VCP: variants seen among roughly 807,000 people sequenced by gnomAD.
The protein encoded by VCP is transitional endoplasmic reticulum ATPase.
Under a neutral mutation model 85.7 loss-of-function variants are expected in VCP, and 6 were observed. The observed-to-expected ratio is 0.07, with a 90% CI of 0.04 to 0.14. The LOEUF (loss-of-function observed/expected upper bound fraction) is 0.14. Ranked by LOEUF, VCP falls within the 10% of genes least tolerant of loss-of-function variation. The pLI is 1.00. For synonymous variants in VCP, 384 were observed against 367.1 expected (o/e 1.05, Z -0.53); for missense variants, 353 against 1,043.4 (o/e 0.34, Z 9.12).
intron 2 of VCP, 46 bp from the exon 3 acceptor site, chr9:35,068,109 A>C (rs1414904945): frequency 2.5e-6 from 4 of 1,613,220 alleles, no homozygotes; most frequent in Non-Finnish European, 2.5e-6. Context: ...GCTGACGGGG[A>C]GTAAGCAGCA....
At position 35,059,264 on chromosome 9, in the gene VCP, C is replaced by G; in HGVS notation, c.2005-45G>C. The G allele has an allele frequency of 6.2e-7, 1 of 1,612,212 alleles. No individual in the cohort carries two copies. Among genetic ancestry groups the G allele is most frequent in the Non-Finnish European group, 8.5e-7 (1 of 1,179,204 alleles). Reference sequence around the variant, plus strand: ...TACCTTAGCATTTAGCCTCTCCTCTCGAGATACGCAGATCTTTGGGCTACC... The same window carrying G: ...TACCTTAGCATTTAGCCTCTCCTCTGGAGATACGCAGATCTTTGGGCTACC... On this transcript the variant is annotated intron_variant, in intron 14 of 16. Coordinates refer to ENST00000358901, the MANE Select transcript of VCP (RefSeq NM_007126.5). The surrounding 1 kb of genome is among the most constrained non-coding windows in gnomAD (Gnocchi z 4.9).
chr9:35,066,633 T>A (rs1460066779), intron 4 of VCP, 42 bp downstream of exon 4: 3 of 1,610,784 alleles, frequency 1.9e-6, no homozygotes, highest in African/African-American at 2.7e-5. Context: ...CAAGGTTTAT[T>A]CCCTACAGTC....
At chr9:35,066,394 T>A (rs1236945773) in intron 4 of VCP, among the ~76,000 whole-genome samples, 1 of 150,756 alleles carries the variant, frequency 6.6e-6, no homozygotes, top group Non-Finnish European at 1.5e-5. Flanking sequence ...CCCAGGTAGC[T>A]GGGATTACAG....
chr9:35,065,430 C>A (rs1384315469), intron 4 of VCP, 49 bp from the exon 5 acceptor site: 2 of 1,612,588 alleles, frequency 1.2e-6, no homozygotes, highest in African/African-American at 1.3e-5. Context: ...AACTACAAGA[C>A]AAAGTGAGAA....
chr9:35,069,214 A>G (rs543176596), intron 1 of VCP, among the ~76,000 whole-genome samples: 4 of 152,344 alleles, frequency 2.6e-5, no homozygotes, highest in African/African-American at 7.2e-5. Context: ...GGAACTTCAC[A>G]GTAATATCTG....
Position 35,068,379 on chromosome 9 carries a change from G to C in VCP, c.18-17C>G. On this transcript the variant is annotated splice_polypyrimidine_tract_variant and intron_variant, in intron 1 of 16. Transcript: ENST00000358901. ...CCTTTTGAACTAGAAGGAGGAAATG[G>C]AGTCAGTAGATACTCCTGCCCCAAG... 1 of 1,608,252 alleles carries C rather than the reference G, an allele frequency of 6.2e-7. No homozygotes were observed. Among genetic ancestry groups the C allele is most frequent in the South Asian group, 1.1e-5 (1 of 90,964 alleles).
intron 5 of VCP, 133 bp from the exon 6 acceptor site, chr9:35,064,418 G>T: frequency 1.7e-6 from 2 of 1,197,644 alleles, no homozygotes; most frequent in Non-Finnish European, 2.4e-6. Flanking sequence ...CGGCATGGTG[G>T]CTCACATCTG....
In VCP at chr9:35,056,732, T is replaced by C. The variant is rs1050569392; in HGVS notation, c.*385A>G. On this transcript the variant is annotated 3_prime_UTR_variant, in exon 17 of 17. Coordinates refer to ENST00000358901, the MANE Select transcript of VCP (RefSeq NM_007126.5). ...CCCCTACCCACCTACCCAGGTTGGA[T>C]AGGGGGAAGGGAGGGCTCGGGCAGC... 1.7e-5 allele frequency: 5 copies of C among 296,240 alleles called. No individual in the cohort carries two copies. The highest frequency in any genetic ancestry group is 2.7e-5 in the Non-Finnish European group (4 of 150,096). The allele number at this position is 296,240 out of a possible 1,614,324, so 18.4% of individuals were successfully genotyped here. A position where few individuals can be genotyped will look rare whatever the true frequency, so the allele number is the denominator to read the frequency against.
At position 35,059,565 on chromosome 9, in the gene VCP, G is replaced by A; in HGVS notation, c.1932C>T (p.Tyr644=). The stretch of plus-strand genomic sequence containing the variant: ...GGGACTTCTCATCAGGAAGTGGGAT[G>A]TAGATGAGCTGATCAAGACGGCCAG... The part of the protein sequence containing the change: ...LRPGRLDQLI[Y]IPLPDEKSRV... The change falls in exon 14 of 17, where the codon TAC becomes TAT. Residue 644 remains tyrosine (Y), a synonymous_variant. Coordinates refer to ENST00000358901, the MANE Select transcript of VCP (RefSeq NM_007126.5). This position sits in a 1 kb window ranked among gnomAD's most constrained non-coding sequence, Gnocchi z 4.9. 1 of 1,614,226 alleles carries A rather than the reference G, an allele frequency of 6.2e-7. No individual in the cohort carries two copies.
At chr9:35,069,394 C>T (rs978715127) in intron 1 of VCP, among the ~76,000 whole-genome samples, 7 of 151,602 alleles carry the variant, frequency 4.6e-5, no homozygotes, top group South Asian at 2.1e-4. Flanking sequence ...CAACTTATTA[C>T]CTAGCCCGTT....
chr9:35,060,127 T>C (rs1223983839), intron 13 of VCP, among the ~76,000 whole-genome samples, 186 bp downstream of exon 13: 1 of 127,102 alleles, frequency 7.9e-6, no homozygotes, highest in Admixed American at 8.4e-5. Context: ...CCAGACCCTG[T>C]CTCAAGAGAG....
chr9:35,061,949 GGA>G, intron 9 of VCP, 52 bp downstream of exon 9: 2 of 1,613,682 alleles, frequency 1.2e-6, no homozygotes, highest in Non-Finnish European at 1.7e-6. Flanking sequence ...CTTAGATGAA[GGA>G]GAGAAGTAGG....
chr9:35,062,687 C>T (rs918563729), intron 7 of VCP, among the ~76,000 whole-genome samples: 4 of 152,128 alleles, frequency 2.6e-5, no homozygotes, highest in Non-Finnish European at 4.4e-5. Context: ...AGTTCATTTG[C>T]CCCAAACCCT....
At chr9:35,061,711 T>TACAC in intron 9 of VCP, 22 bp from the exon 10 acceptor site, 10 of 465,724 alleles carry the variant, frequency 2.1e-5, no homozygotes, top group Non-Finnish European at 3.7e-5. Context: ...TACACAAACA[T>TACAC]AAACAGGGCT....
At position 35,057,024 on chromosome 9, in the gene VCP, G is replaced by A; in HGVS notation, c.*93C>T. On this transcript the variant is annotated 3_prime_UTR_variant, in exon 17 of 17. Coordinates refer to ENST00000358901, the MANE Select transcript of VCP (RefSeq NM_007126.5). ...AGACTGGAGAATGGAGCAGGCTGTG[G>A]GCGCACCCCTGGTCCCTCTCCTGGG... 1.6e-6 allele frequency: 2 copies of A among 1,254,840 alleles called. No homozygotes were observed. Among genetic ancestry groups the A allele is most frequent in the Non-Finnish European group, 2.3e-6 (2 of 860,770 alleles). The allele number at this position is 1,254,840 out of a possible 1,614,324, so 77.7% of individuals were successfully genotyped here. A position where few individuals can be genotyped will look rare whatever the true frequency, so the allele number is the denominator to read the frequency against.
chr9:35,064,054 AATGAAAGCCATGC>A, intron 6 of VCP, 87 bp downstream of exon 6: 1 of 1,583,272 alleles, frequency 6.3e-7, no homozygotes, highest in Admixed American at 1.7e-5. Context: ...CCAAGGCAAT[AATGAAAGCCATGC>A]ATGAAAACAG....
rs1828723406 is a variant in VCP at position 35,061,665 on chromosome 9, A to G, written c.1106T>C (p.Ile369Thr). ...RFGRFDREVDIGIPDATGRLE... is the reference protein window; with the variant it reads ...RFGRFDREVDTGIPDATGRLE... ...GCGTCCTGTAGCATCAGGAATTCCAATATCTACCTCCCTGTCAAAGCGACC... is the reference window on the plus strand; with the variant it reads ...GCGTCCTGTAGCATCAGGAATTCCAGTATCTACCTCCCTGTCAAAGCGACC... Residue 369 changes from isoleucine (I) to threonine (T), a missense_variant, in exon 10 of 17, where the codon ATT becomes ACT. Coordinates refer to ENST00000358901, the MANE Select transcript of VCP (RefSeq NM_007126.5). 1 of 1,614,022 alleles carries G rather than the reference A, an allele frequency of 6.2e-7. No individual in the cohort carries two copies. The highest frequency in any genetic ancestry group is 8.5e-7 in the Non-Finnish European group (1 of 1,180,006).
intron 1 of VCP, 114 bp downstream of exon 1, chr9:35,072,223 T>G: frequency 6.9e-7 from 1 of 1,457,048 alleles, no homozygotes; most frequent in Non-Finnish European, 9.1e-7. Flanking sequence ...CCCTTCCCTC[T>G]TTCCTGGTCT....
In VCP at chr9:35,057,057, C is replaced by A. The variant is rs982758955; in HGVS notation, c.*60G>T. 7 of 1,579,014 alleles carry A rather than the reference C, an allele frequency of 4.4e-6. No individual in the cohort carries two copies. In the African/African-American group the frequency reaches 6.7e-5, roughly 15 times the overall value. On this transcript the variant is annotated 3_prime_UTR_variant, in exon 17 of 17. Coordinates refer to ENST00000358901, the MANE Select transcript of VCP (RefSeq NM_007126.5). Reference sequence around the variant, plus strand: ...CCTGGTCCCTCTCCTGGGCAAGCGCCCCCACCCCCAGGGAACAAGGTCCAG... The same window carrying A: ...CCTGGTCCCTCTCCTGGGCAAGCGCACCCACCCCCAGGGAACAAGGTCCAG...
Sources: allele counts gnomAD v4.1 joint callset (sites outside exome capture counted in the v4.1 genomes callset), GRCh38; gene constraint gnomAD v4.1.1; non-coding constraint Gnocchi (gnomAD v3.1); transcripts MANE v1.5; gene names NCBI Gene and HGNC (gene_info 2026-07-23, HGNC 2026-07-21).